The following KIF25 variants were observed in gnomAD, a reference collection of about 807,000 sequenced individuals.
KIF25 encodes kinesin-like protein KIF25.
In KIF25, 19 loss-of-function variants were observed where a neutral mutation model predicts 32.9. The ratio of observed to expected loss-of-function variants is 0.58; its 90% CI spans 0.40 to 0.85. The LOEUF (loss-of-function observed/expected upper bound fraction) is 0.85, where lower values mean the gene tolerates loss of function less well. KIF25 is among the 40% of genes least tolerant of loss of function. The pLI, the probability that KIF25 is intolerant of heterozygous loss-of-function variation, is 0.00. For missense variants in KIF25, 485 were observed against 507.0 expected, an observed-to-expected ratio of 0.96 and a Z score of 0.42; for synonymous variants, 225 against 213.7, an observed-to-expected ratio of 1.05 and a Z score of -0.46.
intron 11 of KIF25, 116 bp from the exon 12 acceptor site, chr6:168,042,445 C>A: frequency 7.7e-7 from 1 of 1,293,112 alleles, no homozygotes; most frequent in Non-Finnish European, 1.1e-6. Flanking sequence ...CATGCCTGTC[C>A]CGTCCATGGC....
intron 4 of KIF25, among the ~76,000 whole-genome samples, chr6:168,005,815 G>A (rs561962770): frequency 7.2e-5 from 11 of 152,288 alleles, no homozygotes; most frequent in African/African-American, 2.6e-4. Context: ...GATTAAGGGC[G>A]GGTCTGCCTT....
intron 10 of KIF25, among the ~76,000 whole-genome samples, 176 bp downstream of exon 10, chr6:168,040,392 CCT>C (rs961448308): frequency 6.6e-5 from 10 of 152,120 alleles, no homozygotes; most frequent in African/African-American, 2.2e-4. Flanking sequence ...ATGGTGAAAC[CCT>C]GTCTCTACTA....
In KIF25 at chr6:168,030,829, TC is replaced by T; in HGVS notation, c.150del (p.Thr51LeufsTer44). On this transcript the variant is annotated frameshift_variant, in exon 7 of 13. Coordinates refer to ENST00000643607, the MANE Select transcript of KIF25 (RefSeq NM_030615.4). LOFTEE classifies it high-confidence loss of function. ...SAVFGDVCPL[L>X]TSLLDGYNVC... ...GTCTTTGGAGATGTGTGCCCCCTAC[TC>T]ACTTCTCTCTTGGATGGGTGAGTTA... 6.2e-7 allele frequency: 1 copy of T among 1,612,872 alleles called. No homozygotes were observed. Among genetic ancestry groups the T allele is most frequent in the East Asian group, 2.2e-5 (1 of 44,808 alleles).
At chr6:168,004,295 A>G (rs950259274) in intron 4 of KIF25, among the ~76,000 whole-genome samples, 2 of 152,212 alleles carry the variant, frequency 1.3e-5, no homozygotes, top group African/African-American at 4.8e-5. Flanking sequence ...GTCCCAGCAC[A>G]TGGAGCCCAC....
chr6:168,042,789 T>C, intron 12 of KIF25, 73 bp downstream of exon 12: 1 of 1,506,764 alleles, frequency 6.6e-7, no homozygotes, highest in Admixed American at 1.9e-5. Context: ...ACTTCTGGCC[T>C]GCACGTCCTC....
At chr6:168,022,595 G>A (rs1798801733) in intron 5 of KIF25, among the ~76,000 whole-genome samples, 1 of 151,968 alleles carries the variant, frequency 6.6e-6, no homozygotes, top group South Asian at 2.1e-4. Flanking sequence ...GTTTAACATT[G>A]TTTTCTTAAG....
intron 5 of KIF25, among the ~76,000 whole-genome samples, chr6:168,020,459 CT>C (rs1177416400): frequency 6.6e-6 from 1 of 151,402 alleles, no homozygotes; most frequent in Non-Finnish European, 1.5e-5. Context: ...GCAAAAGACG[CT>C]TTTTCTTATT....
chr6:168,012,884 T>A (rs142455409), intron 4 of KIF25, among the ~76,000 whole-genome samples: 1 of 152,262 alleles, frequency 6.6e-6, no homozygotes, highest in Non-Finnish European at 1.5e-5. Flanking sequence ...GAGGTATATC[T>A]GCCAGGGGTG....
At chr6:168,007,742 C>T (rs1362667985) in intron 4 of KIF25, among the ~76,000 whole-genome samples, 1 of 151,876 alleles carries the variant, frequency 6.6e-6, no homozygotes, top group African/African-American at 2.4e-5. Flanking sequence ...TTCCTGATGG[C>T]TCCCGTTGTT....
chr6:168,040,144 C>G lies in KIF25; in HGVS notation c.574C>G (p.His192Asp). Residue 192 changes from histidine (H) to aspartate (D), a missense_variant, in exon 10 of 13, where the codon CAC becomes GAC. Coordinates refer to ENST00000643607, the MANE Select transcript of KIF25 (RefSeq NM_030615.4). ...CAGGGCGAAGCACCCCACCCTGGTG[C>G]ACGCGGATTCCTCCAGGTCTCACCT... ...QLRAKHPTLV[H>D]ADSSRSHLII... is the part of the protein sequence containing the mutation. The G allele has an allele frequency of 6.2e-7, 1 of 1,614,120 alleles. No homozygotes were observed. The highest frequency in any genetic ancestry group is 8.5e-7 in the Non-Finnish European group (1 of 1,180,036).
intron 11 of KIF25, 128 bp from the exon 12 acceptor site, chr6:168,042,433 C>G: frequency 8.3e-7 from 1 of 1,203,306 alleles, no homozygotes; most frequent in Non-Finnish European, 1.2e-6. Flanking sequence ...GACACTCACT[C>G]TCATGCCTGT....
intron 12 of KIF25, among the ~76,000 whole-genome samples, chr6:168,043,798 T>TC (rs1204902310): frequency 2.0e-5 from 3 of 152,156 alleles, no homozygotes; most frequent in Non-Finnish European, 4.4e-5. Flanking sequence ...GCACTTTTCC[T>TC]CCCCCTTAGC....
chr6:168,044,803 G>A, intron 12 of KIF25, 24 bp from the exon 13 acceptor site: 1 of 1,562,646 alleles, frequency 6.4e-7, no homozygotes, highest in Non-Finnish European at 8.7e-7. Context: ...TTTCCAGCTT[G>A]CATGTTGTTT....
chr6:168,033,856 T>G, intron 7 of KIF25, 26 bp from the exon 8 acceptor site: 2 of 1,597,680 alleles, frequency 1.3e-6, no homozygotes, highest in Non-Finnish European at 1.7e-6. Flanking sequence ...TGTGTTTTGC[T>G]GGACTGAATC....
intron 12 of KIF25, among the ~76,000 whole-genome samples, chr6:168,043,649 C>T (rs1799165617): frequency 6.6e-6 from 1 of 152,198 alleles, no homozygotes. Flanking sequence ...TTCCAAAGTT[C>T]GCAGCCCCAA....
chr6:168,015,911 A>G (rs2114879021), intron 4 of KIF25, among the ~76,000 whole-genome samples: 1 of 152,252 alleles, frequency 6.6e-6, no homozygotes, highest in Non-Finnish European at 1.5e-5. Flanking sequence ...TTCGGGTTAG[A>G]CACTGTAGAC....
intron 2 of KIF25, among the ~76,000 whole-genome samples, chr6:168,000,749 C>T (rs971107983): frequency 9.9e-5 from 15 of 152,176 alleles, no homozygotes; most frequent in South Asian, 2.1e-4. Context: ...GCTGTCCCAA[C>T]GCCATATGGG....
chr6:168,005,861 G>A (rs1392791470), intron 4 of KIF25, among the ~76,000 whole-genome samples: 1 of 152,148 alleles, frequency 6.6e-6, no homozygotes, highest in African/African-American at 2.4e-5. Flanking sequence ...ATTTCCTTTG[G>A]CAACAGCCTC....
At chr6:168,040,015 G>GT (rs1463061360) in intron 9 of KIF25, 50 bp from the exon 10 acceptor site, 1 of 1,561,830 alleles carries the variant, frequency 6.4e-7, no homozygotes, top group African/African-American at 1.4e-5. Flanking sequence ...GTCGCCTTAG[G>GT]TAAGGGGGGC....
Sources: allele counts gnomAD v4.1 joint callset (sites outside exome capture counted in the v4.1 genomes callset), GRCh38; gene constraint gnomAD v4.1.1; transcripts MANE v1.5; gene names NCBI Gene and HGNC (gene_info 2026-07-23, HGNC 2026-07-21).